FIP1L1: variants seen among roughly 807,000 people sequenced by gnomAD.
FIP1L1 encodes pre-mRNA 3'-end-processing factor FIP1.
FIP1L1 carries 21 observed loss-of-function variants against 84.6 expected under a neutral mutation model. The observed-to-expected ratio is 0.25, with a 90% CI of 0.18 to 0.36. The LOEUF (loss-of-function observed/expected upper bound fraction) is 0.36, where lower values mean the gene tolerates loss of function less well. Ranked by LOEUF, FIP1L1 falls within the 10% of genes least tolerant of loss-of-function variation. The probability of loss-of-function intolerance (pLI) is 1.00; values close to 1 mark genes in which losing one functional copy is unlikely to be tolerated. For missense variants in FIP1L1, 526 were observed against 751.1 expected, an observed-to-expected ratio of 0.70 and a Z score of 3.50; for synonymous variants, 263 against 242.3, an observed-to-expected ratio of 1.09 and a Z score of -0.80.
chr4:53,428,114 C>T lies in FIP1L1; in HGVS notation c.1105C>T (p.Leu369Phe). Residue 369 changes from leucine (L) to phenylalanine (F), a missense_variant, in exon 13 of 18, where the codon CTT becomes TTT. By Grantham distance (22) the Leu-to-Phe change is conservative. Coordinates refer to ENST00000337488, the MANE Select transcript of FIP1L1 (RefSeq NM_030917.4). ...FFPPGAPPTH[L>F]PPPPFLPPPP... ...CCCTCCAGGAGCTCCTCCCACTCAC[C>T]TTCCACCTCCTCCATTTCTTCCACC... The T allele has an allele frequency of 6.2e-7, 1 of 1,609,970 alleles. No individual in the cohort carries two copies. The highest frequency in any genetic ancestry group is 1.7e-5 in the Admixed American group (1 of 59,962).
intron 16 of FIP1L1, among the ~76,000 whole-genome samples, chr4:53,453,875 A>AT (rs1162473148): frequency 6.6e-6 from 1 of 152,194 alleles, no homozygotes; most frequent in Non-Finnish European, 1.5e-5. Flanking sequence ...AAAATTATCC[A>AT]TTTTTTAAAG....
At chr4:53,446,164 C>T (rs1774103568) in intron 15 of FIP1L1, among the ~76,000 whole-genome samples, 1 of 151,390 alleles carries the variant, frequency 6.6e-6, no homozygotes, top group Non-Finnish European at 1.5e-5. Context: ...TGTTGACTTA[C>T]TTGTTTCAAT....
intron 10 of FIP1L1, among the ~76,000 whole-genome samples, chr4:53,412,774 A>G (rs1377420642): frequency 1.3e-5 from 2 of 152,076 alleles, no homozygotes; most frequent in African/African-American, 4.8e-5. Flanking sequence ...TTTGTATTTA[A>G]TAAGTAATTT....
chr4:53,400,614 T>C (rs929400552), intron 10 of FIP1L1, among the ~76,000 whole-genome samples: 7 of 152,224 alleles, frequency 4.6e-5, no homozygotes, highest in African/African-American at 1.4e-4. Context: ...GTTTTTGTTA[T>C]TCTACAGTTT....
chr4:53,458,827 T>C, intron 17 of FIP1L1, 37 bp downstream of exon 17: 1 of 1,590,214 alleles, frequency 6.3e-7, no homozygotes, highest in Non-Finnish European at 8.6e-7. Flanking sequence ...CAATAGTATG[T>C]GAGAGATTTT....
At position 53,442,646 on chromosome 4, in the gene FIP1L1, G is replaced by A. The variant is rs1277477136; in HGVS notation, c.1175-7G>A. The stretch of plus-strand genomic sequence containing the variant: ...AACATTTTTTATCTTATGATTGAAT[G>A]TTTCAGGTTTTCCTCCTCCACCAGG... On this transcript the variant is annotated splice_region_variant and splice_polypyrimidine_tract_variant and intron_variant, in intron 13 of 17. Transcript: ENST00000337488. 1.9e-6 allele frequency: 3 copies of A among 1,592,194 alleles called. No homozygotes were observed. Among genetic ancestry groups the A allele is most frequent in the South Asian group, 1.1e-5 (1 of 90,464 alleles).
intron 10 of FIP1L1, among the ~76,000 whole-genome samples, chr4:53,409,294 T>C (rs979420885): frequency 2.0e-5 from 3 of 152,198 alleles, no homozygotes; most frequent in Non-Finnish European, 4.4e-5. Flanking sequence ...CCAGCAGCGG[T>C]GGCTGCAGAA....
chr4:53,410,566 C>T (rs554838236), intron 10 of FIP1L1, among the ~76,000 whole-genome samples: 9 of 152,208 alleles, frequency 5.9e-5, no homozygotes, highest in African/African-American at 1.9e-4. Context: ...AAGAAAATTG[C>T]TCGAATTTGC....
chr4:53,385,567 T>A (rs1348559651), intron 5 of FIP1L1, among the ~76,000 whole-genome samples: 1 of 152,106 alleles, frequency 6.6e-6, no homozygotes, highest in East Asian at 1.9e-4. Flanking sequence ...TTAAATACAG[T>A]TAAGTGTGCA....
At chr4:53,437,453 G>A (rs1040879852) in intron 13 of FIP1L1, among the ~76,000 whole-genome samples, 7 of 151,256 alleles carry the variant, frequency 4.6e-5, no homozygotes, top group Admixed American at 1.3e-4. Context: ...ATAAAAATTC[G>A]GAATGGGATT....
chr4:53,394,246 G>A (rs546110962), intron 9 of FIP1L1, among the ~76,000 whole-genome samples: 1 of 152,046 alleles, frequency 6.6e-6, no homozygotes, highest in African/African-American at 2.4e-5. Context: ...TTTTCAACTT[G>A]ATTATTTAAG....
chr4:53,447,117 G>GT (rs1277027629), intron 15 of FIP1L1, among the ~76,000 whole-genome samples: 2 of 151,848 alleles, frequency 1.3e-5, no homozygotes, highest in African/African-American at 4.8e-5. Flanking sequence ...TTTTACCTTT[G>GT]TTTTTTGATG....
intron 4 of FIP1L1, 26 bp from the exon 5 acceptor site, chr4:53,383,747 T>A (rs746143689): frequency 1.3e-6 from 2 of 1,576,692 alleles, no homozygotes; most frequent in Non-Finnish European, 1.7e-6. Flanking sequence ...CTGAATGTAT[T>A]TTATAATTTG....
Position 53,382,374 on chromosome 4 carries a change from C to G in FIP1L1, c.228+39C>G, listed in dbSNP as rs2149277862. On this transcript the variant is annotated intron_variant, in intron 4 of 17. Transcript: ENST00000337488. Reference sequence around the variant, plus strand: ...TTGAAATCCAGTTACTGATACAAATCTTTATCAATAGCTTCACAGTTTACA... The same window carrying G: ...TTGAAATCCAGTTACTGATACAAATGTTTATCAATAGCTTCACAGTTTACA... 3.3e-6 allele frequency: 5 copies of G among 1,499,432 alleles called. No homozygotes were observed. In the East Asian group the frequency reaches 9.0e-5, roughly 27 times the overall value. 92.9% of individuals were successfully genotyped at this position (1,499,432 alleles called of 1,614,324 possible).
In FIP1L1 at chr4:53,408,900, AT is replaced by A. The variant is rs1755410247; in HGVS notation, c.816-5708del. On this transcript the variant is annotated intron_variant, in intron 10 of 17. Transcript: ENST00000337488. ...TTATTCTAGTTATACATTCTTCTAA[AT>A]TTTTTTCAAAGTTTTTAACTTCTTT... Among the ~76,000 whole-genome samples the A allele has an allele frequency of 2.0e-5, 3 of 150,090 alleles. No individual in the cohort carries two copies. In the South Asian group the frequency reaches 6.4e-4, roughly 32 times the overall value.
At chr4:53,402,695 C>T (rs1396988582) in intron 10 of FIP1L1, among the ~76,000 whole-genome samples, 1 of 152,084 alleles carries the variant, frequency 6.6e-6, no homozygotes, top group Non-Finnish European at 1.5e-5. Context: ...GAGTGAGACA[C>T]TGTCTAAAAA....
Position 53,425,210 on chromosome 4 carries a change from A to T in FIP1L1, c.924-662A>T, listed in dbSNP as rs149838660. On this transcript the variant is annotated intron_variant, in intron 11 of 17. Transcript: ENST00000337488. Reference sequence around the variant, plus strand: ...GCATAATAGCTTTTAACATTATTTTATTTAAAATACAACTTACTAGGTTTT... The same window carrying T: ...GCATAATAGCTTTTAACATTATTTTTTTTAAAATACAACTTACTAGGTTTT... 1.1e-3 allele frequency among the ~76,000 whole-genome samples: 168 copies of T among 152,182 alleles called. 2 individuals are homozygous for T. The East Asian group carries it at 0.029, about 26-fold the overall frequency.
At chr4:53,422,166 G>A (rs1762654198) in intron 11 of FIP1L1, among the ~76,000 whole-genome samples, 1 of 152,062 alleles carries the variant, frequency 6.6e-6, no homozygotes, top group Non-Finnish European at 1.5e-5. Context: ...CCATTAGTGG[G>A]TTGTGAAACA....
Position 53,438,396 on chromosome 4 carries a change from A to G in FIP1L1, c.1175-4257A>G, listed in dbSNP as rs1578975280. Among the ~76,000 whole-genome samples, 9 of 152,340 alleles carry G rather than the reference A, an allele frequency of 5.9e-5. No individual in the cohort carries two copies. The South Asian group carries it at 1.9e-3, about 32-fold the overall frequency. ...GTGAGAATGATGTTGGCCTTACATG[A>G]TATCACGTATCAGTTTGAAAATACA... On this transcript the variant is annotated intron_variant, in intron 13 of 17. Coordinates refer to ENST00000337488, the MANE Select transcript of FIP1L1 (RefSeq NM_030917.4).
Sources: gnomAD v4.1 joint callset for allele counts (sites outside exome capture counted in the v4.1 genomes callset) on GRCh38, gnomAD v4.1.1 for gene constraint, MANE v1.5 for transcripts, NCBI Gene and HGNC (gene_info 2026-07-23, HGNC 2026-07-21) for gene names.